Variants in KLF8 observed in about 807,000 individuals in gnomAD.
The protein encoded by KLF8 is KLF transcription factor 8.
KLF8 carries 10 observed loss-of-function variants against 18.2 expected under a neutral mutation model. The ratio of observed to expected loss-of-function variants is 0.55; its 90% CI spans 0.34 to 0.93. The LOEUF is 0.93. Ranked by LOEUF, KLF8 falls within the 40% of genes least tolerant of loss-of-function variation. KLF8 has a pLI of 0.02. For synonymous variants in KLF8, 109 were observed against 97.3 expected (o/e 1.12, Z -0.71); for missense variants, 264 against 277.9 (o/e 0.95, Z 0.36).
At chrX:56,081,916 T>A in the KLF8 span, among the ~76,000 whole-genome samples, 1 of 111,765 alleles carries the variant, frequency 8.9e-6, no homozygotes, top group Admixed American at 9.6e-5. Context: ...TATCAATAGT[T>A]TTTGTGGTAT....
chrX:55,958,720 A>G, the KLF8 span, among the ~76,000 whole-genome samples: 1 of 112,655 alleles, frequency 8.9e-6, no homozygotes. Flanking sequence ...ATTACTTGTT[A>G]CAAATATTAT....
At chrX:56,156,992 C>G in the KLF8 span, among the ~76,000 whole-genome samples, 1 of 108,988 alleles carries the variant, frequency 9.2e-6, no homozygotes, top group African/African-American at 3.3e-5. Flanking sequence ...CCCAAATGTC[C>G]AACAATGATA....
the KLF8 span, among the ~76,000 whole-genome samples, chrX:56,020,279 G>A: frequency 9.0e-6 from 1 of 111,341 alleles, no homozygotes; most frequent in East Asian, 2.8e-4. Flanking sequence ...GATTGTGAAG[G>A]GCAATATAAG....
chrX:56,049,727 T>C, the KLF8 span, among the ~76,000 whole-genome samples: 3 of 109,572 alleles, frequency 2.7e-5, no homozygotes, highest in Non-Finnish European at 5.7e-5. Flanking sequence ...TCTAAAATTC[T>C]CTTTTTTTGT....
At chrX:56,058,815 T>G in the KLF8 span, among the ~76,000 whole-genome samples, 1 of 111,700 alleles carries the variant, frequency 9.0e-6, no homozygotes, top group Non-Finnish European at 1.9e-5. Flanking sequence ...TAAACATATG[T>G]GTCCGTGTGT....
At chrX:56,038,895 T>C in the KLF8 span, among the ~76,000 whole-genome samples, 2 of 112,072 alleles carry the variant, frequency 1.8e-5, no homozygotes, top group East Asian at 2.8e-4. Context: ...TGGACTTTTT[T>C]AGCCATTCTG....
intron 5 of KLF8, among the ~76,000 whole-genome samples, chrX:56,271,954 A>G (rs1250600912): frequency 9.0e-6 from 1 of 111,640 alleles, no homozygotes; most frequent in Non-Finnish European, 1.9e-5. Context: ...TGATATACTA[A>G]AAGTCTGGCT....
the KLF8 span, among the ~76,000 whole-genome samples, chrX:56,077,800 T>C: frequency 8.9e-6 from 1 of 111,756 alleles, no homozygotes; most frequent in Non-Finnish European, 1.9e-5. Flanking sequence ...CATTTGTTTG[T>C]ATCCTCTTTT....
chrX:55,917,186 GTC>G, the KLF8 span, among the ~76,000 whole-genome samples: 1 of 112,343 alleles, frequency 8.9e-6, no homozygotes, highest in African/African-American at 3.2e-5. Flanking sequence ...CAGAGTGAGA[GTC>G]TACATTTTTC....
chrX:55,988,228 G>T, the KLF8 span, among the ~76,000 whole-genome samples: 7 of 110,836 alleles, frequency 6.3e-5, no homozygotes, highest in Non-Finnish European at 1.1e-4. Context: ...TGTCAATTTT[G>T]GCTTTTGTTG....
chrX:56,063,975 A>G, the KLF8 span, among the ~76,000 whole-genome samples: 1 of 108,734 alleles, frequency 9.2e-6, no homozygotes, highest in Non-Finnish European at 1.9e-5. Context: ...CCTTCTATAT[A>G]TGTACATATA....
At chrX:55,961,658 G>T in the KLF8 span, 5 of 408,981 alleles carry the variant, frequency 1.2e-5, no homozygotes, top group Non-Finnish European at 2.3e-5. Flanking sequence ...TTTAAGCTCA[G>T]CCAGGATGTC....
chrX:56,005,423 G>T, the KLF8 span, among the ~76,000 whole-genome samples: 1 of 112,136 alleles, frequency 8.9e-6, no homozygotes, highest in East Asian at 2.8e-4. Flanking sequence ...GGCTGCTGCA[G>T]TTAAGTGCAT....
chrX:55,953,804 T>C, the KLF8 span, among the ~76,000 whole-genome samples: 1 of 110,823 alleles, frequency 9.0e-6, no homozygotes. Context: ...ATACCATACA[T>C]ATAATTATGT....
the KLF8 span, among the ~76,000 whole-genome samples, chrX:56,201,962 G>C: frequency 9.0e-6 from 1 of 111,364 alleles, no homozygotes; most frequent in Admixed American, 9.6e-5. Context: ...GAGATCTGTG[G>C]ATGCCTTACC....
the KLF8 span, among the ~76,000 whole-genome samples, chrX:56,010,536 G>A: frequency 9.0e-6 from 1 of 111,729 alleles, no homozygotes. Flanking sequence ...CAGTGACACT[G>A]TGAAGCAACT....
chrX:56,191,657 A>C, the KLF8 span, among the ~76,000 whole-genome samples: 1 of 111,970 alleles, frequency 8.9e-6, no homozygotes, highest in Admixed American at 9.5e-5. Context: ...CATGCAAATT[A>C]ATCAATTTGA....
chrX:55,979,513 A>G, the KLF8 span, among the ~76,000 whole-genome samples: 1 of 112,339 alleles, frequency 8.9e-6, no homozygotes, highest in Admixed American at 9.4e-5. Context: ...GCCAAATCAC[A>G]GAAGACTTTG....
chrX:55,998,109 A>G, the KLF8 span, among the ~76,000 whole-genome samples: 10 of 112,436 alleles, frequency 8.9e-5, no homozygotes, highest in Non-Finnish European at 1.9e-4. Flanking sequence ...AAACATCTCA[A>G]TGCTTTACAA....
Sources: gnomAD v4.1 joint callset for allele counts (sites outside exome capture counted in the v4.1 genomes callset) on GRCh38, gnomAD v4.1.1 for gene constraint, MANE v1.5 for transcripts, NCBI Gene and HGNC (gene_info 2026-07-23, HGNC 2026-07-21) for gene names.